PDE3B: variants seen among roughly 807,000 people sequenced by gnomAD.
PDE3B encodes phosphodiesterase 3B, also known as cGMP-inhibited 3',5'-cyclic phosphodiesterase 3B.
In PDE3B, 66 loss-of-function variants were observed where a neutral mutation model predicts 116.8. The ratio of observed to expected loss-of-function variants is 0.56; its 90% CI spans 0.46 to 0.69. PDE3B has a LOEUF of 0.69. PDE3B is among the 30% of genes least tolerant of loss of function. The probability of loss-of-function intolerance (pLI) is 0.00; values close to 1 mark genes in which losing one functional copy is unlikely to be tolerated. For missense variants in PDE3B, 1,384 were observed against 1,368.1 expected (o/e 1.01, Z -0.18); for synonymous variants, 595 against 533.6 (o/e 1.12, Z -1.59).
At chr11:14,872,899 A>G (rs1555009263), downstream of PDE3B, among the ~76,000 whole-genome samples, 2 of 152,194 alleles carry the variant, frequency 1.3e-5, no homozygotes, top group Non-Finnish European at 2.9e-5. Context: ...AAGTGGACCC[A>G]TGGAGTTCGA....
intron 1 of PDE3B, among the ~76,000 whole-genome samples, chr11:14,666,389 T>C (rs1854152116): frequency 1.3e-5 from 2 of 151,666 alleles, no homozygotes; most frequent in African/African-American, 4.8e-5. Flanking sequence ...ACTTCATGTC[T>C]AAAACACCAA....
In PDE3B at chr11:14,644,483, C is replaced by T; in HGVS notation, c.408C>T (p.Leu136=). The change falls in exon 1 of 16, where the codon CTC becomes CTT. Residue 136 remains leucine, a synonymous_variant. Transcript: ENST00000282096. Reference sequence around the variant, plus strand: ...CCTTCTTCTTCCTCACCTGCTTCCTCACCCGGACCAAGCGGGGACCCGGCC... The same window carrying T: ...CCTTCTTCTTCCTCACCTGCTTCCTTACCCGGACCAAGCGGGGACCCGGCC... ...ACAFFFLTCF[L]TRTKRGPGPG... 6.2e-7 allele frequency: 1 copy of T among 1,612,992 alleles called. No individual in the cohort carries two copies.
the PDE3B span, among the ~76,000 whole-genome samples, chr11:14,889,192 A>G: frequency 7.3e-5 from 11 of 150,202 alleles, no homozygotes; most frequent in Admixed American, 6.0e-4. Flanking sequence ...GTGAGCATAC[A>G]TCTCAAATTT....
At chr11:14,795,075 T>C (rs1027798103) in intron 4 of PDE3B, among the ~76,000 whole-genome samples, 1 of 152,158 alleles carries the variant, frequency 6.6e-6, no homozygotes, top group African/African-American at 2.4e-5. Context: ...AGGAGCTTCA[T>C]TTTATAGGCA....
intron 11 of PDE3B, among the ~76,000 whole-genome samples, chr11:14,841,498 C>T (rs1860223438): frequency 6.7e-6 from 1 of 149,792 alleles, no homozygotes; most frequent in South Asian, 2.1e-4. Flanking sequence ...TATCTTATAG[C>T]GATCAGTCTC....
At chr11:14,771,415 C>A (rs1857639539) in intron 1 of PDE3B, among the ~76,000 whole-genome samples, 1 of 151,756 alleles carries the variant, frequency 6.6e-6, no homozygotes, top group East Asian at 1.9e-4. Flanking sequence ...AGGAGACAGA[C>A]AGGAAAACAA....
At chr11:14,692,115 T>C (rs1248119752) in intron 1 of PDE3B, among the ~76,000 whole-genome samples, 35 of 151,716 alleles carry the variant, frequency 2.3e-4, no homozygotes, top group Admixed American at 2.3e-3. Flanking sequence ...CAAAAATAAA[T>C]AATTAAAAAT....
At chr11:14,693,357 A>G (rs1855103908) in intron 1 of PDE3B, among the ~76,000 whole-genome samples, 1 of 152,242 alleles carries the variant, frequency 6.6e-6, no homozygotes, top group Non-Finnish European at 1.5e-5. Context: ...ACGTAGGTAA[A>G]TCAGCCTTCT....
chr11:14,698,096 C>T (rs555823716), intron 1 of PDE3B, among the ~76,000 whole-genome samples: 1 of 151,690 alleles, frequency 6.6e-6, no homozygotes, highest in African/African-American at 2.4e-5. Flanking sequence ...GAACATTTTA[C>T]CAATCTAATA....
chr11:14,808,039 G>T (rs927801707), intron 5 of PDE3B, among the ~76,000 whole-genome samples: 2 of 146,322 alleles, frequency 1.4e-5, no homozygotes, highest in Admixed American at 1.4e-4. Flanking sequence ...GAGCCTGGAC[G>T]ACAAAGCGAG....
At chr11:14,774,268 C>G (rs1244141041) in intron 2 of PDE3B, 1 of 152,186 alleles carries the variant, frequency 6.6e-6, no homozygotes, top group African/African-American at 2.4e-5. Flanking sequence ...TCCCTCTTAG[C>G]TGGAAAATTA....
At chr11:14,664,251 G>A (rs1157161195) in intron 1 of PDE3B, among the ~76,000 whole-genome samples, 1 of 151,838 alleles carries the variant, frequency 6.6e-6, no homozygotes, top group African/African-American at 2.4e-5. Flanking sequence ...AGAATCTCTG[G>A]GACACATTCA....
intron 1 of PDE3B, 99 bp from the exon 2 acceptor site, chr11:14,771,838 G>T: frequency 2.2e-6 from 1 of 447,966 alleles, no homozygotes. Flanking sequence ...CAGATTTTGA[G>T]CTATATTAGA....
At chr11:14,874,213 T>C (rs1848169586), downstream of PDE3B, among the ~76,000 whole-genome samples, 1 of 152,158 alleles carries the variant, frequency 6.6e-6, no homozygotes, top group African/African-American at 2.4e-5. Flanking sequence ...CATGCTTTCT[T>C]TTTATTTGTA....
chr11:14,886,134 C>T, the PDE3B span: 5 of 561,094 alleles, frequency 8.9e-6, no homozygotes, highest in Admixed American at 2.9e-5. Context: ...CCTAAAGTCA[C>T]AGTCTTACCA....
At chr11:14,698,867 T>C (rs1377938965) in intron 1 of PDE3B, 1 of 152,024 alleles carries the variant, frequency 6.6e-6, no homozygotes, top group Non-Finnish European at 1.5e-5. Flanking sequence ...AAACCAGTTC[T>C]GTTTTACTTC....
intron 1 of PDE3B, chr11:14,699,151 G>T (rs1177065564): frequency 6.6e-6 from 1 of 151,910 alleles, no homozygotes; most frequent in Non-Finnish European, 1.5e-5. Context: ...TTATTTCTGT[G>T]TGAGAACAAA....
At chr11:14,673,830 T>C in intron 1 of PDE3B, 1 of 1,065,312 alleles carries the variant, frequency 9.4e-7, no homozygotes, top group Non-Finnish European at 1.5e-6. Context: ...AATTTCGGCA[T>C]ACTGTGGTCT....
At chr11:14,785,581 T>C (rs988926453) in intron 2 of PDE3B, among the ~76,000 whole-genome samples, 3 of 152,164 alleles carry the variant, frequency 2.0e-5, no homozygotes, top group Admixed American at 2.0e-4. Flanking sequence ...AAAGTAACAT[T>C]TAATTTACTG....
Sources: allele counts gnomAD v4.1 joint callset (sites outside exome capture counted in the v4.1 genomes callset), GRCh38; gene constraint gnomAD v4.1.1; transcripts MANE v1.5; gene names NCBI Gene and HGNC (gene_info 2026-07-23, HGNC 2026-07-21).